Variants in RBFOX1 observed in about 807,000 individuals in gnomAD.
The protein encoded by RBFOX1 is RNA binding protein fox-1 homolog 1.
In RBFOX1, 8 loss-of-function variants were observed where a neutral mutation model predicts 57.7. The ratio of observed to expected loss-of-function variants is 0.14; its 90% CI spans 0.08 to 0.25. The LOEUF (loss-of-function observed/expected upper bound fraction) is 0.25, where lower values mean the gene tolerates loss of function less well. Ranked by LOEUF, RBFOX1 falls within the 10% of genes least tolerant of loss-of-function variation. The probability of loss-of-function intolerance (pLI) is 1.00; values close to 1 mark genes in which losing one functional copy is unlikely to be tolerated. For missense variants in RBFOX1, 611 were observed against 548.5 expected (o/e 1.11, Z -1.14); for synonymous variants, 326 against 222.4 (o/e 1.47, Z -4.15).
intron 1 of RBFOX1, among the ~76,000 whole-genome samples, chr16:6,025,427 G>A (rs1216643252): frequency 6.6e-6 from 1 of 152,174 alleles, no homozygotes; most frequent in Non-Finnish European, 1.5e-5. Flanking sequence ...GACCCTGGGA[G>A]GATACATCTG....
chr16:5,528,534 C>T lies in RBFOX1; in HGVS notation c.258+61280C>T, dbSNP rs143566845. 1.3e-3 allele frequency among the ~76,000 whole-genome samples: 194 copies of T among 150,766 alleles called. 1 individual carries two copies. Among genetic ancestry groups the T allele is most frequent in the African/African-American group, 2.7e-3 (110 of 41,068 alleles). On this transcript the variant is annotated intron_variant, in intron 2 of 2. Coordinates refer to the RBFOX1 transcript ENST00000585867. ...CAATCTGTGGTCCTGCATATTCCCCCGACAGCTCTTCTTTTTTTTTTTTTT... is the reference window on the plus strand; with the variant it reads ...CAATCTGTGGTCCTGCATATTCCCCTGACAGCTCTTCTTTTTTTTTTTTTT...
At chr16:5,377,044 G>A (rs2066003965) in intron 1 of RBFOX1, among the ~76,000 whole-genome samples, 1 of 151,644 alleles carries the variant, frequency 6.6e-6, no homozygotes, top group South Asian at 2.1e-4. Context: ...ACTTCTGGGG[G>A]AGCCCAAACC....
chr16:6,789,376 A>G (rs2082518188), intron 3 of RBFOX1, among the ~76,000 whole-genome samples: 1 of 152,200 alleles, frequency 6.6e-6, no homozygotes, highest in Non-Finnish European at 1.5e-5. Flanking sequence ...TTACAATGTT[A>G]AGGGGTCCTA....
chr16:7,451,190 G>A (rs529463469), intron 4 of RBFOX1, among the ~76,000 whole-genome samples: 2 of 152,238 alleles, frequency 1.3e-5, no homozygotes, highest in East Asian at 1.9e-4. Context: ...GAGGGACATC[G>A]GATTTCTATG....
intron 2 of RBFOX1, among the ~76,000 whole-genome samples, chr16:6,563,461 A>G (rs1050409582): frequency 6.6e-6 from 1 of 152,094 alleles, no homozygotes; most frequent in African/African-American, 2.4e-5. Context: ...TAAGTCAAAA[A>G]ATTTGGTGCA....
At chr16:5,831,473 TTTATTATTATTA>T (rs149535816) in intron 3 of RBFOX1, among the ~76,000 whole-genome samples, 18 of 141,518 alleles carry the variant, frequency 1.3e-4, no homozygotes, top group Non-Finnish European at 2.1e-4. Flanking sequence ...TCTTTTCTCT[TTTATTATTATTA>T]TTATTATTAT....
At chr16:6,774,158 A>G in intron 3 of RBFOX1, 1 of 290,590 alleles carries the variant, frequency 3.4e-6, no homozygotes, top group Non-Finnish European at 5.1e-6. Flanking sequence ...GGGAAGGCAA[A>G]TGAAAAATTC....
intron 2 of RBFOX1, among the ~76,000 whole-genome samples, chr16:5,592,656 T>C (rs2047048255): frequency 6.6e-6 from 1 of 152,212 alleles, no homozygotes; most frequent in Non-Finnish European, 1.5e-5. Flanking sequence ...TTATGTTAAG[T>C]CCTCTGTTTG....
chr16:6,610,752 A>C (rs1186311304), intron 2 of RBFOX1, among the ~76,000 whole-genome samples: 1 of 152,208 alleles, frequency 6.6e-6, no homozygotes, highest in African/African-American at 2.4e-5. Flanking sequence ...AATCACTACC[A>C]TGATAACATC....
Position 7,004,403 on chromosome 16 carries a change from C to G in RBFOX1, c.-15-47654C>G, listed in dbSNP as rs553248046. ...TCTTTGTCCACCGGTTTTATTTAGT[C>G]TCAGAGACCCAAGCTGGTCAGCATT... On this transcript the variant is annotated intron_variant, in intron 3 of 15. Transcript: ENST00000550418. 3.5e-4 allele frequency among the ~76,000 whole-genome samples: 54 copies of G among 152,234 alleles called. 1 individual carries two copies. The highest frequency in any genetic ancestry group is 1.3e-3 in the African/African-American group (53 of 41,550).
chr16:6,012,595 A>G (rs115311627), intron 4 of RBFOX1, among the ~76,000 whole-genome samples: 2,654 of 152,320 alleles, frequency 0.017, 66 homozygotes, highest in African/African-American at 0.06. Context: ...AAACCCTGCT[A>G]TAGGCAATAT....
intron 4 of RBFOX1, among the ~76,000 whole-genome samples, chr16:7,302,047 C>A (rs1007430186): frequency 6.6e-6 from 1 of 152,140 alleles, no homozygotes; most frequent in African/African-American, 2.4e-5. Flanking sequence ...CTAACCACTG[C>A]CAGCACCCCC....
chr16:7,002,798 A>G (rs924570244), intron 3 of RBFOX1, among the ~76,000 whole-genome samples: 2 of 152,192 alleles, frequency 1.3e-5, no homozygotes, highest in African/African-American at 4.8e-5. Flanking sequence ...TGTTTGAGGA[A>G]TGTGTTGTGG....
chr16:5,514,658 C>T (rs1349843993), intron 2 of RBFOX1, among the ~76,000 whole-genome samples: 3 of 151,886 alleles, frequency 2.0e-5, no homozygotes, highest in Non-Finnish European at 4.4e-5. Context: ...CACATCTCTG[C>T]CCATAGGAAG....
chr16:7,196,324 G>C (rs1192358676), intron 4 of RBFOX1, among the ~76,000 whole-genome samples: 1 of 152,150 alleles, frequency 6.6e-6, no homozygotes, highest in African/African-American at 2.4e-5. Flanking sequence ...AGATGTCTCA[G>C]GGAATTTCTC....
chr16:6,700,077 C>T (rs73535684), intron 3 of RBFOX1, among the ~76,000 whole-genome samples: 2 of 152,092 alleles, frequency 1.3e-5, no homozygotes, highest in Non-Finnish European at 2.9e-5. Context: ...TACTCTCCCC[C>T]ACTCACCGTA....
intron 4 of RBFOX1, among the ~76,000 whole-genome samples, chr16:7,336,684 G>C (rs1005912309): frequency 6.6e-6 from 1 of 152,162 alleles, no homozygotes; most frequent in Admixed American, 6.5e-5. Flanking sequence ...CATGTGCCAG[G>C]CTCTGTGCTA....
intron 3 of RBFOX1, among the ~76,000 whole-genome samples, chr16:5,722,192 G>C (rs147924913): frequency 6.6e-6 from 1 of 152,324 alleles, no homozygotes; most frequent in East Asian, 1.9e-4. Context: ...AATAGGGTTT[G>C]TTAATTACAG....
chr16:7,317,235 C>T (rs1369172460), intron 4 of RBFOX1, among the ~76,000 whole-genome samples: 2 of 151,994 alleles, frequency 1.3e-5, no homozygotes, highest in Non-Finnish European at 1.5e-5. Context: ...GAGATTCATC[C>T]CCGAAGCTGA....
Sources: allele counts gnomAD v4.1 joint callset (sites outside exome capture counted in the v4.1 genomes callset), GRCh38; gene constraint gnomAD v4.1.1; transcripts MANE v1.5; gene names NCBI Gene and HGNC (gene_info 2026-07-23, HGNC 2026-07-21).